The following VAV2 variants were observed in gnomAD, a reference collection of about 807,000 sequenced individuals.
VAV2 encodes vav guanine nucleotide exchange factor 2.
VAV2 carries 67 observed loss-of-function variants against 132.5 expected under a neutral mutation model. That is an observed-to-expected ratio of 0.51 (90% CI 0.42 to 0.62). The LOEUF (loss-of-function observed/expected upper bound fraction) is 0.62, where lower values mean the gene tolerates loss of function less well. Ranked by LOEUF, VAV2 falls within the 20% of genes least tolerant of loss-of-function variation. The pLI is 0.00. For synonymous variants in VAV2, 492 were observed against 443.5 expected (o/e 1.11, Z -1.37); for missense variants, 938 against 1,153.6 (o/e 0.81, Z 2.71).
At chr9:133,777,286 G>A in intron 23 of VAV2, 103 bp downstream of exon 23, 2 of 1,184,036 alleles carry the variant, frequency 1.7e-6, no homozygotes, top group Non-Finnish European at 2.5e-6. Context: ...ATTTAGCAAG[G>A]ATGTCCTGAA....
At chr9:133,801,362 G>A (rs1834922619) in intron 9 of VAV2, among the ~76,000 whole-genome samples, 2 of 152,322 alleles carry the variant, frequency 1.3e-5, no homozygotes, top group Non-Finnish European at 2.9e-5. Flanking sequence ...GCTCAGAGAC[G>A]TGACGTGACT....
chr9:133,938,269 G>A (rs994114202), intron 2 of VAV2, among the ~76,000 whole-genome samples: 2 of 152,162 alleles, frequency 1.3e-5, no homozygotes, highest in Non-Finnish European at 2.9e-5. Flanking sequence ...GGGGGCCTGG[G>A]GCCTCCTCGG....
At chr9:133,792,712 A>T (rs1272974362) in intron 12 of VAV2, among the ~76,000 whole-genome samples, 1 of 108,342 alleles carries the variant, frequency 9.2e-6, no homozygotes, top group East Asian at 3.1e-4. Context: ...GCATCCAGGC[A>T]CCGGGCGTTT....
chr9:133,917,683 G>T (rs1840147539), intron 2 of VAV2, among the ~76,000 whole-genome samples: 1 of 152,168 alleles, frequency 6.6e-6, no homozygotes, highest in South Asian at 2.1e-4. Context: ...GGAAACCAAG[G>T]CTTAGGGAGG....
intron 2 of VAV2, among the ~76,000 whole-genome samples, chr9:133,900,672 T>TC (rs1839402844): frequency 6.6e-6 from 1 of 152,192 alleles, no homozygotes; most frequent in Non-Finnish European, 1.5e-5. Context: ...ATGAGCAATT[T>TC]CCCCTATCTT....
chr9:133,901,533 C>T (rs1417191248), intron 2 of VAV2, among the ~76,000 whole-genome samples: 1 of 152,212 alleles, frequency 6.6e-6, no homozygotes, highest in Non-Finnish European at 1.5e-5. Context: ...TAGAAGCTTC[C>T]GTGGGTGCCA....
chr9:133,851,932 G>T (rs577234750), intron 3 of VAV2, among the ~76,000 whole-genome samples: 2 of 151,916 alleles, frequency 1.3e-5, no homozygotes, highest in East Asian at 1.9e-4. Flanking sequence ...TGGATGGATG[G>T]ATGGATGGAT....
At chr9:133,811,437 G>A (rs1007547074) in intron 5 of VAV2, among the ~76,000 whole-genome samples, 9 of 152,194 alleles carry the variant, frequency 5.9e-5, no homozygotes, top group African/African-American at 1.7e-4. Context: ...AAGCCTCCAC[G>A]GTTGGCAAGT....
In VAV2 at chr9:133,781,958, C is replaced by T. The variant is rs994520996; in HGVS notation, c.1724-1248G>A. On this transcript the variant is annotated intron_variant, in intron 19 of 29. Transcript: ENST00000371850. ...CAGAGATGGGGTGGGCGGGTGTGCG[C>T]GTCTGCAGAAAGCAGGACAGTGCTT... Among the ~76,000 whole-genome samples, 22 of 152,144 alleles carry T rather than the reference C, an allele frequency of 1.4e-4. 1 individual carries two copies. Among genetic ancestry groups the T allele is most frequent in the Admixed American group, 1.3e-3 (20 of 15,278 alleles).
intron 29 of VAV2, among the ~76,000 whole-genome samples, chr9:133,765,793 C>T (rs759007474): frequency 1.1e-4 from 16 of 152,152 alleles, no homozygotes; most frequent in Non-Finnish European, 1.2e-4. Context: ...GCAATTTACT[C>T]TCAAGTGAGT....
At chr9:133,979,699 T>C (rs1346196949) in intron 1 of VAV2, among the ~76,000 whole-genome samples, 1 of 152,192 alleles carries the variant, frequency 6.6e-6, no homozygotes, top group African/African-American at 2.4e-5. Context: ...CACGAGGACC[T>C]CCTGCTGTCA....
At position 133,763,563 on chromosome 9, in the gene VAV2, G is replaced by C. The variant is rs1048162169; in HGVS notation, c.*499C>G. On this transcript the variant is annotated 3_prime_UTR_variant, in exon 30 of 30. Coordinates refer to ENST00000371850, the MANE Select transcript of VAV2 (RefSeq NM_001134398.2). The surrounding 1 kb of genome is among the most constrained non-coding windows in gnomAD (Gnocchi z 6.8). ...CAGTGAACAGCCTGGCTCTGGTCCC[G>C]TCTGCCTCCCGAGGTCTGACACCTC... 1 of 167,922 alleles carries C rather than the reference G, an allele frequency of 6.0e-6. No homozygotes were observed. The highest frequency in any genetic ancestry group is 1.3e-5 in the Non-Finnish European group (1 of 77,624). 10.4% of individuals were successfully genotyped at this position (167,922 alleles called of 1,614,324 possible).
intron 2 of VAV2, among the ~76,000 whole-genome samples, chr9:133,929,503 A>T (rs2810512): frequency 6.6e-6 from 1 of 151,834 alleles, no homozygotes; most frequent in Non-Finnish European, 1.5e-5. Context: ...ACATGCCAGG[A>T]GGTTCCACGG....
rs560338857 is a variant in VAV2 at position 133,834,958 on chromosome 9, T to A, written c.381-618A>T. Among the ~76,000 whole-genome samples the A allele has an allele frequency of 6.6e-6, 1 of 152,122 alleles. No individual in the cohort carries two copies. Among genetic ancestry groups the A allele is most frequent in the African/African-American group, 2.4e-5 (1 of 41,414 alleles). ...TCCTACAAAGGGAGCAGAAGCCCCA[T>A]GGGGTCTCCCCAGAAGGAACGCGGC... On this transcript the variant is annotated intron_variant, in intron 3 of 29. Coordinates refer to ENST00000371850, the MANE Select transcript of VAV2 (RefSeq NM_001134398.2). This position sits in a 1 kb window ranked among gnomAD's most constrained non-coding sequence, Gnocchi z 5.9.
At chr9:133,806,927 G>C (rs1835170905) in intron 8 of VAV2, among the ~76,000 whole-genome samples, 1 of 152,256 alleles carries the variant, frequency 6.6e-6, no homozygotes, top group East Asian at 1.9e-4. Context: ...GGGCAGGCGA[G>C]GGGGTCCGCT....
intron 1 of VAV2, among the ~76,000 whole-genome samples, chr9:133,944,794 C>T (rs539326633): frequency 2.0e-5 from 3 of 152,350 alleles, no homozygotes; most frequent in Admixed American, 2.0e-4. Flanking sequence ...CTCCTGGGCC[C>T]CAGCTGGACC....
In VAV2 at chr9:133,833,847, C is replaced by A. The variant is rs530194708; in HGVS notation, c.449+425G>T. 1.3e-5 allele frequency among the ~76,000 whole-genome samples: 2 copies of A among 152,292 alleles called. No homozygotes were observed. Among genetic ancestry groups the A allele is most frequent in the East Asian group, 1.9e-4 (1 of 5,160 alleles). ...AACCCCGAGCCCACACACTCCTGTGCCCTGAACCTGCGCTCCAGGCAGCAC... is the reference window on the plus strand; with the variant it reads ...AACCCCGAGCCCACACACTCCTGTGACCTGAACCTGCGCTCCAGGCAGCAC... On this transcript the variant is annotated intron_variant, in intron 4 of 29. Transcript: ENST00000371850. The surrounding 1 kb of genome is among the most constrained non-coding windows in gnomAD (Gnocchi z 5.6).
intron 1 of VAV2, among the ~76,000 whole-genome samples, chr9:133,948,362 C>G (rs1841441291): frequency 6.6e-6 from 1 of 152,234 alleles, no homozygotes; most frequent in South Asian, 2.1e-4. Flanking sequence ...ATGAGTGTCC[C>G]CCTTCGCCCA....
rs963173935 is a variant in VAV2, at chr9:133,935,895, G to A, written c.321+3208C>T. ...CCCAGCACACGGTCCCAGGGGGCCCGGTCCCCAGCCAGCTGTCCCTGACAC... is the reference window on the plus strand; with the variant it reads ...CCCAGCACACGGTCCCAGGGGGCCCAGTCCCCAGCCAGCTGTCCCTGACAC... On this transcript the variant is annotated intron_variant, in intron 2 of 29. Transcript: ENST00000371850. This position sits in a 1 kb window ranked among gnomAD's most constrained non-coding sequence, Gnocchi z 5.2. 6.6e-6 allele frequency among the ~76,000 whole-genome samples: 1 copy of A among 152,164 alleles called. No homozygotes were observed. Among genetic ancestry groups the A allele is most frequent in the Non-Finnish European group, 1.5e-5 (1 of 68,016 alleles).
Sources: gnomAD v4.1 joint callset for allele counts (sites outside exome capture counted in the v4.1 genomes callset) on GRCh38, gnomAD v4.1.1 for gene constraint, Gnocchi (gnomAD v3.1) non-coding constraint, MANE v1.5 for transcripts, NCBI Gene and HGNC (gene_info 2026-07-23, HGNC 2026-07-21) for gene names.